ARFGEF2: variants seen among roughly 807,000 people sequenced by gnomAD.
ARFGEF2 encodes brefeldin A-inhibited guanine nucleotide-exchange protein 2.
ARFGEF2 carries 74 observed loss-of-function variants against 219.9 expected under a neutral mutation model. The observed-to-expected ratio is 0.34, with a 90% CI of 0.28 to 0.41. The LOEUF is 0.41. Ranked by LOEUF, ARFGEF2 falls within the 10% of genes least tolerant of loss-of-function variation. The probability of loss-of-function intolerance (pLI) is 1.00; values close to 1 mark genes in which losing one functional copy is unlikely to be tolerated. For synonymous variants in ARFGEF2, 733 were observed against 799.2 expected, an observed-to-expected ratio of 0.92 and a Z score of 1.40; for missense variants, 1,743 against 2,218.3, an observed-to-expected ratio of 0.79 and a Z score of 4.30.
chr20:49,013,293 T>A (rs1568737755), intron 28 of ARFGEF2, among the ~76,000 whole-genome samples: 1 of 152,174 alleles, frequency 6.6e-6, no homozygotes, highest in South Asian at 2.1e-4. Flanking sequence ...CTCTTCTTAG[T>A]ATAACACCTC....
At chr20:48,963,799 G>A (rs969227855) in intron 6 of ARFGEF2, 31 bp from the exon 7 acceptor site, 7 of 1,603,632 alleles carry the variant, frequency 4.4e-6, no homozygotes, top group East Asian at 2.2e-5. Context: ...AAATGCCCAC[G>A]TGTGTTTTGT....
chr20:48,996,001 A>G, intron 23 of ARFGEF2, 119 bp downstream of exon 23: 2 of 922,760 alleles, frequency 2.2e-6, no homozygotes, highest in East Asian at 2.4e-5. Flanking sequence ...TTAGCTACAA[A>G]TTGCTTAAGT....
chr20:49,007,434 C>T (rs2091468920), intron 26 of ARFGEF2, among the ~76,000 whole-genome samples: 1 of 151,908 alleles, frequency 6.6e-6, no homozygotes, highest in Admixed American at 6.6e-5. Context: ...GGATTACAGG[C>T]ATGCACCACC....
At chr20:48,990,763 A>G (rs974332888) in intron 20 of ARFGEF2, among the ~76,000 whole-genome samples, 16 of 152,346 alleles carry the variant, frequency 1.1e-4, no homozygotes, top group East Asian at 3.9e-4. Context: ...TTAGTATTCA[A>G]CAGACATAGT....
At position 48,921,917 on chromosome 20, in the gene ARFGEF2, T is replaced by C. The variant is rs772040749; in HGVS notation, c.28T>C (p.Phe10Leu). The C allele has an allele frequency of 3.2e-6, 5 of 1,553,040 alleles. No homozygotes were observed. In the South Asian group the frequency reaches 5.9e-5, roughly 18 times the overall value. MQESQTKSM[F>L]VSRALEKILA... ...GCAGGAGAGCCAGACCAAGAGCATG[T>C]TCGTGTCCCGGGCCCTGGAGAAGAT... The change falls in exon 1 of 39, where the codon TTC (phenylalanine) becomes CTC (leucine). Residue 10 changes from phenylalanine to leucine, a missense_variant. This residue lies in a region of ARFGEF2 where 394 missense variants were observed against 426.6 expected (regional missense o/e 0.92). Transcript: ENST00000371917.
intron 34 of ARFGEF2, among the ~76,000 whole-genome samples, chr20:49,019,664 G>C (rs1458978757): frequency 6.6e-6 from 1 of 152,140 alleles, no homozygotes; most frequent in African/African-American, 2.4e-5. Flanking sequence ...TATTACATTT[G>C]TAGCTGTTTA....
At chr20:48,978,263 G>C (rs965198514) in intron 14 of ARFGEF2, among the ~76,000 whole-genome samples, 4 of 152,120 alleles carry the variant, frequency 2.6e-5, no homozygotes, top group Non-Finnish European at 4.4e-5. Flanking sequence ...GTTTTTGTCA[G>C]GTTTGTCAAA....
chr20:48,963,948 A>G, intron 7 of ARFGEF2, 50 bp downstream of exon 7: 1 of 1,568,968 alleles, frequency 6.4e-7, no homozygotes, highest in Non-Finnish European at 8.7e-7. Context: ...TTCCTCCAAA[A>G]AGTCCTCAGC....
chr20:49,009,094 TTATAA>T (rs370920363), intron 26 of ARFGEF2, among the ~76,000 whole-genome samples: 1 of 152,346 alleles, frequency 6.6e-6, no homozygotes, highest in African/African-American at 2.4e-5. Flanking sequence ...CAAAAAAACA[TTATAA>T]TAAATATAGT....
chr20:49,010,493 T>TAGTAATATA, intron 27 of ARFGEF2, 89 bp downstream of exon 27: 1 of 1,482,218 alleles, frequency 6.7e-7, no homozygotes, highest in Admixed American at 1.8e-5. Context: ...CTACAGGGGC[T>TAGTAATATA]TCCCTACCTT....
At position 48,973,231 on chromosome 20, in the gene ARFGEF2, T is replaced by C. The variant is rs1256511682; in HGVS notation, c.1612T>C (p.Ser538Pro). 6.2e-7 allele frequency: 1 copy of C among 1,614,176 alleles called. No homozygotes were observed. The highest frequency in any genetic ancestry group is 1.7e-5 in the Admixed American group (1 of 60,010). Residue 538 changes from serine to proline, a missense_variant, in exon 12 of 39, where the codon TCC (serine) becomes CCC (proline). This residue lies in a region of ARFGEF2 where 666 missense variants were observed against 955.4 expected (regional missense o/e 0.70). Coordinates refer to ENST00000371917, the MANE Select transcript of ARFGEF2 (RefSeq NM_006420.3). Reference protein sequence around the residue: ...NIFERLVNDLSKIAQGRSGHE... With the variant: ...NIFERLVNDLPKIAQGRSGHE... ...TTTTGAGCGCCTTGTAAATGATTTA[T>C]CCAAAATTGCTCAGGGAAGAAGTGG...
intron 36 of ARFGEF2, 126 bp downstream of exon 36, chr20:49,025,607 A>C: frequency 9.3e-7 from 1 of 1,069,594 alleles, no homozygotes; most frequent in South Asian, 1.3e-5. Flanking sequence ...TTCATGCTTG[A>C]GGGGGAGAGA....
intron 6 of ARFGEF2, among the ~76,000 whole-genome samples, chr20:48,954,575 A>T (rs1234813592): frequency 6.6e-6 from 1 of 152,190 alleles, no homozygotes. Flanking sequence ...CTTCAGCCAC[A>T]TTACTGATAA....
At chr20:48,983,439 C>A (rs545268380) in intron 14 of ARFGEF2, among the ~76,000 whole-genome samples, 1 of 152,124 alleles carries the variant, frequency 6.6e-6, no homozygotes, top group South Asian at 2.1e-4. Flanking sequence ...TTTCTACTGC[C>A]GCCACTCCAC....
intron 6 of ARFGEF2, among the ~76,000 whole-genome samples, chr20:48,955,635 T>G (rs2091101062): frequency 1.3e-5 from 2 of 152,250 alleles, no homozygotes; most frequent in African/African-American, 4.8e-5. Flanking sequence ...AATTTGCTGT[T>G]AGCATGTTGC....
intron 3 of ARFGEF2, among the ~76,000 whole-genome samples, chr20:48,945,116 T>C (rs2091017764): frequency 1.3e-5 from 2 of 152,134 alleles, no homozygotes; most frequent in Admixed American, 6.6e-5. Flanking sequence ...AATCCTGTCA[T>C]GAGGGACCTA....
intron 1 of ARFGEF2, among the ~76,000 whole-genome samples, chr20:48,926,862 C>T (rs902656195): frequency 9.2e-5 from 14 of 152,176 alleles, no homozygotes; most frequent in Admixed American, 5.2e-4. Flanking sequence ...GGTGGGGAAA[C>T]GTAGCTGCAG....
chr20:48,983,639 C>T (rs546472779), intron 14 of ARFGEF2, among the ~76,000 whole-genome samples: 14 of 152,258 alleles, frequency 9.2e-5, no homozygotes, highest in Middle Eastern at 3.4e-3. Flanking sequence ...ATTTTCAGTC[C>T]CTTGAACACC....
At chr20:48,962,795 C>G (rs968888291) in intron 6 of ARFGEF2, among the ~76,000 whole-genome samples, 1 of 152,140 alleles carries the variant, frequency 6.6e-6, no homozygotes, top group Non-Finnish European at 1.5e-5. Flanking sequence ...ATAGATCAAG[C>G]ATAGAACTCA....
Sources: gnomAD v4.1 joint callset for allele counts (sites outside exome capture counted in the v4.1 genomes callset) on GRCh38, gnomAD v4.1.1 for gene constraint, gnomAD v4.1.1 regional missense constraint, MANE v1.5 for transcripts, NCBI Gene and HGNC (gene_info 2026-07-23, HGNC 2026-07-21) for gene names.